The following ANO1 variants were observed in gnomAD, a reference collection of about 807,000 sequenced individuals.
ANO1 encodes anoctamin 1.
Under a neutral mutation model 124.0 loss-of-function variants are expected in ANO1, and 59 were observed. That is an observed-to-expected ratio of 0.48 (90% CI 0.39 to 0.59). ANO1 has a LOEUF of 0.59. Ranked by LOEUF, ANO1 falls within the 20% of genes least tolerant of loss-of-function variation. The pLI is 0.00. For synonymous variants in ANO1, 529 were observed against 532.0 expected, an observed-to-expected ratio of 0.99 and a Z score of 0.08; for missense variants, 1,059 against 1,328.0, an observed-to-expected ratio of 0.80 and a Z score of 3.15.
chr11:70,078,750 C>A (rs759188840), intron 1 of ANO1, 36 bp downstream of exon 1: 1 of 1,353,422 alleles, frequency 7.4e-7, no homozygotes, highest in Non-Finnish European at 9.7e-7. Flanking sequence ...GCGGGAGGGC[C>A]GCGCACCTGC....
Position 70,187,957 on chromosome 11 carries a change from C to T in ANO1, c.2914C>T (p.Leu972Phe). ...HHNTKACPDS[L>F]GSPAPSHAYH... The stretch of plus-strand genomic sequence containing the variant: ...CAACACCAAAGCCTGCCCAGACAGC[C>T]TCGGCAGCCCAGCCCCCAGCCATGC... Residue 972 changes from leucine (L) to phenylalanine (F), a missense_variant, in exon 26 of 26, where the codon CTC becomes TTC. By Grantham distance (22) the Leu-to-Phe change is conservative. This residue lies in a region of ANO1 where 809 missense variants were observed against 1,094.9 expected (regional missense o/e 0.74). Coordinates refer to ENST00000355303, the MANE Select transcript of ANO1 (RefSeq NM_018043.7). The T allele has an allele frequency of 6.3e-7, 1 of 1,575,244 alleles. No individual in the cohort carries two copies. The highest frequency in any genetic ancestry group is 8.6e-7 in the Non-Finnish European group (1 of 1,161,254).
intron 1 of ANO1, among the ~76,000 whole-genome samples, chr11:70,067,710 C>A (rs1555008809): frequency 1.3e-5 from 2 of 152,202 alleles, no homozygotes; most frequent in African/African-American, 4.8e-5. Context: ...GATGCACAGG[C>A]AGCCCCAAGG....
rs529606092 is a variant in ANO1, at chr11:70,080,084, G to A, written c.108+1370G>A. 2.6e-5 allele frequency among the ~76,000 whole-genome samples: 4 copies of A among 152,372 alleles called. No individual in the cohort carries two copies. The East Asian group carries it at 5.8e-4, about 22-fold the overall frequency. On this transcript the variant is annotated intron_variant, in intron 1 of 25. Transcript: ENST00000355303. ...CAAAGAATGAGACAGGGAAGGCTCC[G>A]CCCATCTGGAGCTTACTTAAGAAAT...
chr11:70,117,426 G>A (rs113546437), intron 8 of ANO1, among the ~76,000 whole-genome samples: 3 of 151,952 alleles, frequency 2.0e-5, no homozygotes, highest in African/African-American at 4.8e-5. Flanking sequence ...CAAAGCGTTG[G>A]TCCCCACCCT....
chr11:70,129,924 C>T (rs887994752), intron 10 of ANO1, among the ~76,000 whole-genome samples: 2 of 152,128 alleles, frequency 1.3e-5, no homozygotes, highest in East Asian at 1.9e-4. Context: ...CCTGGCCCTA[C>T]ACCACTTTTT....
chr11:70,144,296 C>G (rs1009663579), intron 11 of ANO1, among the ~76,000 whole-genome samples: 1 of 152,252 alleles, frequency 6.6e-6, no homozygotes, highest in East Asian at 1.9e-4. Context: ...CTTAGAGATG[C>G]GGGCCCTGCC....
intron 16 of ANO1, 108 bp downstream of exon 16, chr11:70,157,129 G>A (rs2047847299): frequency 1.1e-6 from 1 of 938,950 alleles, no homozygotes; most frequent in Admixed American, 2.2e-5. Flanking sequence ...CACTTTGGGA[G>A]GCCGAGGCGG....
At chr11:70,134,905 CAG>C (rs1223592887) in intron 11 of ANO1, among the ~76,000 whole-genome samples, 5 of 152,288 alleles carry the variant, frequency 3.3e-5, no homozygotes, top group African/African-American at 1.2e-4. Flanking sequence ...AGAGGGGTGT[CAG>C]AGCATCCGGA....
chr11:70,155,900 C>A lies in ANO1; in HGVS notation c.1426-11C>A, dbSNP rs1565257859. 3.9e-6 allele frequency: 6 copies of A among 1,532,868 alleles called. No individual in the cohort carries two copies. The highest frequency in any genetic ancestry group is 1.7e-4 in the Middle Eastern group (1 of 5,938). The allele number at this position is 1,532,868 out of a possible 1,614,324, so 95.0% of individuals were successfully genotyped here. ...ACCGCACGGTGCTCTCTTTCCCCCACCCCCCCTCAGAAGCGCCGGCATATT... is the reference window on the plus strand; with the variant it reads ...ACCGCACGGTGCTCTCTTTCCCCCAACCCCCCTCAGAAGCGCCGGCATATT... On this transcript the variant is annotated splice_polypyrimidine_tract_variant and intron_variant, in intron 14 of 25. Coordinates refer to ENST00000355303, the MANE Select transcript of ANO1 (RefSeq NM_018043.7).
intron 1 of ANO1, among the ~76,000 whole-genome samples, chr11:70,041,763 T>C (rs1857186588): frequency 6.6e-6 from 1 of 152,086 alleles, no homozygotes; most frequent in Non-Finnish European, 1.5e-5. Flanking sequence ...TCCTTCCCTA[T>C]TAGTAGAGGA....
chr11:70,042,513 CAGAGAGAGAGAG>C (rs140488432), intron 1 of ANO1, among the ~76,000 whole-genome samples: 12 of 148,528 alleles, frequency 8.1e-5, no homozygotes, highest in Non-Finnish European at 1.8e-4. Context: ...TACATATACA[CAGAGAGAGAGAG>C]AGAGAGAGAG....
intron 1 of ANO1, among the ~76,000 whole-genome samples, chr11:70,016,976 ACTTT>A (rs1223622673): frequency 1.2e-4 from 19 of 152,190 alleles, no homozygotes; most frequent in African/African-American, 4.6e-4. Context: ...TACTTAGTTT[ACTTT>A]CTTTCTTTTC....
chr11:70,042,544 AGATT>A (rs1246903748), intron 1 of ANO1, among the ~76,000 whole-genome samples: 2 of 150,668 alleles, frequency 1.3e-5, no homozygotes, highest in African/African-American at 4.9e-5. Flanking sequence ...AGAGATTGAG[AGATT>A]GAGAGAGAGA....
rs776556418 is a variant in ANO1, at chr11:70,126,095, G to A, written c.997G>A (p.Ala333Thr). ...YFGEKIGLYF[A>T]WLGVYTQMLI... Reference sequence around the variant, plus strand: ...TGGGGAGAAGATCGGCCTGTACTTCGCCTGGCTGGGCGTGTACACCCAGAT... The same window carrying A: ...TGGGGAGAAGATCGGCCTGTACTTCACCTGGCTGGGCGTGTACACCCAGAT... The change falls in exon 10 of 26, where the codon GCC becomes ACC. Residue 333 changes from alanine to threonine, a missense_variant. Around this residue, in one of 2 missense-constraint regions of ANO1, gnomAD observed 809 missense variants for 1,094.9 expected, o/e 0.74. Transcript: ENST00000355303. 13 of 1,612,378 alleles carry A rather than the reference G, an allele frequency of 8.1e-6. No homozygotes were observed. Among genetic ancestry groups the A allele is most frequent in the South Asian group, 2.2e-5 (2 of 90,650 alleles).
intron 1 of ANO1, among the ~76,000 whole-genome samples, chr11:70,002,800 G>T (rs1469356788): frequency 6.6e-6 from 1 of 152,094 alleles, no homozygotes; most frequent in Non-Finnish European, 1.5e-5. Flanking sequence ...AACCATTGAG[G>T]GTAAAGCAAA....
chr11:70,044,525 T>C (rs777584084), intron 1 of ANO1, among the ~76,000 whole-genome samples: 2 of 152,066 alleles, frequency 1.3e-5, no homozygotes, highest in Non-Finnish European at 2.9e-5. Context: ...CTGAGTAAAA[T>C]AGGAATCTAT....
intron 19 of ANO1, among the ~76,000 whole-genome samples, chr11:70,164,347 C>T (rs1446505157): frequency 6.6e-6 from 1 of 152,210 alleles, no homozygotes; most frequent in African/African-American, 2.4e-5. Context: ...GTCTGGAGTG[C>T]AGCCTAGAGG....
chr11:69,996,812 A>G (rs141667188), intron 1 of ANO1, among the ~76,000 whole-genome samples: 161 of 152,266 alleles, frequency 1.1e-3, no homozygotes, highest in African/African-American at 3.5e-3. Flanking sequence ...CATCTTGGAG[A>G]CCCATCTCTA....
intron 1 of ANO1, among the ~76,000 whole-genome samples, chr11:70,031,098 C>T (rs1856993250): frequency 2.0e-5 from 3 of 152,230 alleles, no homozygotes; most frequent in Non-Finnish European, 2.9e-5. Flanking sequence ...GCATGTGCCA[C>T]CATACCCAGC....
Sources: allele counts gnomAD v4.1 joint callset (sites outside exome capture counted in the v4.1 genomes callset), GRCh38; gene constraint gnomAD v4.1.1; regional missense constraint gnomAD v4.1.1; transcripts MANE v1.5; gene names NCBI Gene and HGNC (gene_info 2026-07-23, HGNC 2026-07-21).